Variants in CNTN5 observed in about 807,000 individuals in gnomAD.
The protein encoded by CNTN5 is contactin 5, also known as contactin-5.
A neutral mutation model predicts 129.1 loss-of-function variants in CNTN5; 77 were observed. The observed-to-expected ratio is 0.60, with a 90% confidence interval of 0.50 to 0.72. The LOEUF (loss-of-function observed/expected upper bound fraction) is 0.72, where lower values mean the gene tolerates loss of function less well. CNTN5 is among the 30% of genes least tolerant of loss of function. The pLI is 0.00. For synonymous variants in CNTN5, 509 were observed against 465.6 expected (o/e 1.09, Z -1.20); for missense variants, 1,478 against 1,328.8 (o/e 1.11, Z -1.75).
At chr11:99,716,757 C>G (rs1180476674) in intron 3 of CNTN5, among the ~76,000 whole-genome samples, 1 of 152,062 alleles carries the variant, frequency 6.6e-6, no homozygotes, top group Non-Finnish European at 1.5e-5. Flanking sequence ...TTTAAGTTCT[C>G]TAACTCTAAG....
intron 1 of CNTN5, among the ~76,000 whole-genome samples, chr11:99,237,266 T>G (rs1459506532): frequency 6.6e-6 from 1 of 152,210 alleles, no homozygotes; most frequent in Non-Finnish European, 1.5e-5. Flanking sequence ...ATCTTCAGTA[T>G]GTTAACACTG....
intron 1 of CNTN5, among the ~76,000 whole-genome samples, chr11:99,152,865 T>C (rs899126386): frequency 2.6e-5 from 4 of 152,234 alleles, no homozygotes. Context: ...TAGCATTTCC[T>C]TGTCTGAAAA....
At chr11:99,111,833 A>G (rs1857810360) in intron 1 of CNTN5, among the ~76,000 whole-genome samples, 1 of 152,038 alleles carries the variant, frequency 6.6e-6, no homozygotes. Context: ...GTCCTAATTA[A>G]TAAGACTTTT....
intron 3 of CNTN5, among the ~76,000 whole-genome samples, chr11:99,558,940 T>C (rs1565294859): frequency 1.3e-5 from 2 of 152,068 alleles, no homozygotes; most frequent in African/African-American, 2.4e-5. Context: ...TAAAATAAAA[T>C]TGATTAGGAT....
At chr11:100,279,568 A>G (rs955167324) in intron 18 of CNTN5, among the ~76,000 whole-genome samples, 3 of 151,734 alleles carry the variant, frequency 2.0e-5, no homozygotes, top group African/African-American at 7.3e-5. Flanking sequence ...AAATTTGTCC[A>G]TTTCTTCTAG....
intron 1 of CNTN5, among the ~76,000 whole-genome samples, chr11:99,108,834 T>A (rs151050215): frequency 6.6e-6 from 1 of 152,070 alleles, no homozygotes; most frequent in Admixed American, 6.5e-5. Context: ...TAATTAAATA[T>A]CTGTATTACT....
At chr11:99,585,386 T>C (rs1949760159) in intron 3 of CNTN5, among the ~76,000 whole-genome samples, 1 of 152,148 alleles carries the variant, frequency 6.6e-6, no homozygotes, top group South Asian at 2.1e-4. Context: ...TGAAAAAAGG[T>C]AGGAGGATCT....
chr11:99,291,397 C>A (rs1864165372), intron 1 of CNTN5, among the ~76,000 whole-genome samples: 1 of 151,118 alleles, frequency 6.6e-6, no homozygotes, highest in Admixed American at 6.7e-5. Context: ...ATTAAATGGC[C>A]AATAAATTGT....
chr11:100,315,690 GAAA>G (rs538984061), intron 21 of CNTN5, among the ~76,000 whole-genome samples: 1 of 150,730 alleles, frequency 6.6e-6, no homozygotes, highest in Non-Finnish European at 1.5e-5. Flanking sequence ...GAAGAAATAA[GAAA>G]AAAAAATATG....
At chr11:99,294,207 T>G (rs768932714) in intron 1 of CNTN5, among the ~76,000 whole-genome samples, 3 of 152,166 alleles carry the variant, frequency 2.0e-5, no homozygotes, top group Non-Finnish European at 2.9e-5. Flanking sequence ...ATATATTTAG[T>G]GGTTCCAAAG....
chr11:99,744,554 A>AAG (rs1173641864), intron 3 of CNTN5, among the ~76,000 whole-genome samples: 1 of 143,384 alleles, frequency 7.0e-6, no homozygotes, highest in African/African-American at 2.6e-5. Flanking sequence ...AAAAAAAAAA[A>AAG]AAAAAAAAAA....
intron 1 of CNTN5, among the ~76,000 whole-genome samples, chr11:99,025,023 C>A (rs762267222): frequency 1.4e-4 from 22 of 151,902 alleles, no homozygotes; most frequent in Non-Finnish European, 2.7e-4. Context: ...CTTAAAAACT[C>A]ATAATGATCT....
intron 8 of CNTN5, among the ~76,000 whole-genome samples, chr11:99,969,033 A>T (rs1414023028): frequency 6.6e-6 from 1 of 152,124 alleles, no homozygotes; most frequent in Non-Finnish European, 1.5e-5. Flanking sequence ...TAAGATGAAT[A>T]CTTCATTTGC....
At chr11:99,651,566 C>G (rs1194524636) in intron 3 of CNTN5, among the ~76,000 whole-genome samples, 1 of 151,930 alleles carries the variant, frequency 6.6e-6, no homozygotes, top group Non-Finnish European at 1.5e-5. Flanking sequence ...ATGAATCATA[C>G]TCCAAATTGT....
At chr11:99,979,470 G>T (rs1415340521) in intron 8 of CNTN5, among the ~76,000 whole-genome samples, 1 of 152,162 alleles carries the variant, frequency 6.6e-6, no homozygotes, top group Admixed American at 6.5e-5. Flanking sequence ...AAATGAAGAA[G>T]AAGTAGAACA....
intron 3 of CNTN5, among the ~76,000 whole-genome samples, chr11:99,621,566 TTG>T (rs1362725880): frequency 1.3e-5 from 2 of 152,194 alleles, no homozygotes; most frequent in Admixed American, 6.5e-5. Context: ...CTTGCGATAT[TTG>T]GGATAATTTT....
chr11:99,392,829 A>G (rs1393788182), intron 2 of CNTN5, among the ~76,000 whole-genome samples: 1 of 151,904 alleles, frequency 6.6e-6, no homozygotes, highest in African/African-American at 2.4e-5. Context: ...TAATCCAATT[A>G]ATCATTCCAT....
chr11:99,575,727 T>A (rs950628011), intron 3 of CNTN5, among the ~76,000 whole-genome samples: 5 of 152,182 alleles, frequency 3.3e-5, no homozygotes, highest in African/African-American at 9.7e-5. Flanking sequence ...TGATGCTTCA[T>A]AAGTAGCCAG....
intron 3 of CNTN5, among the ~76,000 whole-genome samples, chr11:99,681,883 A>G (rs1381977883): frequency 6.6e-6 from 1 of 152,068 alleles, no homozygotes; most frequent in East Asian, 1.9e-4. Flanking sequence ...TATCCTTAGA[A>G]TCCTCTAGGA....
Sources: gnomAD v4.1 joint callset for allele counts (sites outside exome capture counted in the v4.1 genomes callset) on GRCh38, gnomAD v4.1.1 for gene constraint, MANE v1.5 for transcripts, NCBI Gene and HGNC (gene_info 2026-07-23, HGNC 2026-07-21) for gene names.